Variants in TUSC3 observed in about 807,000 individuals in gnomAD.
The protein encoded by TUSC3 is tumor suppressor candidate 3.
Under a neutral mutation model 44.8 loss-of-function variants are expected in TUSC3, and 45 were observed. That is an observed-to-expected ratio of 1.00 (90% CI 0.79 to 1.29). The LOEUF is 1.29. Ranked by LOEUF, TUSC3 falls within the 50% of genes most tolerant of loss-of-function variation. The pLI is 0.00. For missense variants in TUSC3, 519 were observed against 437.9 expected, an observed-to-expected ratio of 1.19 and a Z score of -1.65; for synonymous variants, 212 against 152.9, an observed-to-expected ratio of 1.39 and a Z score of -2.85.
intron 1 of TUSC3, among the ~76,000 whole-genome samples, chr8:15,446,333 G>A (rs1008426588): frequency 4.6e-5 from 7 of 152,140 alleles, no homozygotes; most frequent in African/African-American, 1.4e-4. Context: ...GGTGGCGGCC[G>A]GGCAGAGGCT....
At chr8:15,846,379 C>G in the TUSC3 span, among the ~76,000 whole-genome samples, 1 of 152,094 alleles carries the variant, frequency 6.6e-6, no homozygotes, top group Non-Finnish European at 1.5e-5. Context: ...AATATATACC[C>G]AAAGGATTGT....
Position 15,748,478 on chromosome 8 carries a change from T to C in TUSC3, c.1028+13T>C, listed in dbSNP as rs1811519437. ...GCTATCCTTATAGGTAATATCTTTATACTAACATGAATGTTTTTATTTTTA... is the reference window on the plus strand; with the variant it reads ...GCTATCCTTATAGGTAATATCTTTACACTAACATGAATGTTTTTATTTTTA... On this transcript the variant is annotated intron_variant, in intron 9 of 10. Coordinates refer to ENST00000503731, the MANE Select transcript of TUSC3 (RefSeq NM_006765.4). The C allele has an allele frequency of 1.3e-6, 2 of 1,555,802 alleles. No homozygotes were observed. Among genetic ancestry groups the C allele is most frequent in the African/African-American group, 1.4e-5 (1 of 73,702 alleles).
chr8:15,558,785 T>C (rs1373276889), intron 1 of TUSC3, among the ~76,000 whole-genome samples: 2,939 of 136,558 alleles, frequency 0.022, 78 homozygotes, highest in Admixed American at 0.049. Context: ...TTTTCTAGTT[T>C]ATTTGCATAG....
intron 2 of TUSC3, among the ~76,000 whole-genome samples, chr8:15,646,113 G>C (rs193043073): frequency 1.1e-3 from 172 of 152,220 alleles, no homozygotes; most frequent in Middle Eastern, 3.4e-3. Flanking sequence ...GAGAATTTCT[G>C]TTTCAGACAT....
chr8:15,598,718 C>T (rs2129153653), intron 1 of TUSC3, among the ~76,000 whole-genome samples: 1 of 151,932 alleles, frequency 6.6e-6, no homozygotes, highest in East Asian at 1.9e-4. Context: ...AGATTGGCCT[C>T]TTTCACTTAG....
chr8:15,632,906 C>G (rs541953957), intron 2 of TUSC3, among the ~76,000 whole-genome samples: 2 of 152,154 alleles, frequency 1.3e-5, no homozygotes, highest in African/African-American at 2.4e-5. Context: ...ACAAGATATT[C>G]TAAGCTTACG....
chr8:15,816,415 T>G, the TUSC3 span, among the ~76,000 whole-genome samples: 4 of 152,122 alleles, frequency 2.6e-5, no homozygotes, highest in Non-Finnish European at 5.9e-5. Context: ...TTTAGGCCAT[T>G]TATTAATAAT....
intron 2 of TUSC3, among the ~76,000 whole-genome samples, chr8:15,501,268 T>C (rs1415747138): frequency 8.5e-5 from 13 of 152,216 alleles, no homozygotes; most frequent in Admixed American, 7.2e-4. Context: ...TAATTTTATC[T>C]ATGAAAACAC....
intron 6 of TUSC3, among the ~76,000 whole-genome samples, chr8:15,674,314 A>G (rs10089058): frequency 0.033 from 4,974 of 152,120 alleles, 273 homozygotes; most frequent in African/African-American, 0.11. Context: ...TTACATTAGT[A>G]GCAGAGTTTA....
At chr8:15,678,227 A>G (rs1408158828) in intron 6 of TUSC3, among the ~76,000 whole-genome samples, 6 of 152,146 alleles carry the variant, frequency 3.9e-5, no homozygotes, top group Admixed American at 3.9e-4. Flanking sequence ...CAAAGTTATT[A>G]CTTCTCCAGC....
chr8:15,765,588 G>T lies in TUSC3; in HGVS notation c.*1432G>T, dbSNP rs1000249269. 1 of 151,954 alleles carries T rather than the reference G, an allele frequency of 6.6e-6. No individual in the cohort carries two copies. The highest frequency in any genetic ancestry group is 1.5e-5 in the Non-Finnish European group (1 of 67,944). 9.4% of individuals were successfully genotyped at this position (151,954 alleles called of 1,614,324 possible). On this transcript the variant is annotated 3_prime_UTR_variant, in exon 11 of 11. Coordinates refer to ENST00000503731, the MANE Select transcript of TUSC3 (RefSeq NM_006765.4). ...TCCCAGGGCAATGTGTATGCTAGCA[G>T]GATGAATGCTATCTTTTCAAAACAT...
downstream of TUSC3, among the ~76,000 whole-genome samples, chr8:15,767,351 T>C (rs1167629969): frequency 6.6e-6 from 1 of 151,862 alleles, no homozygotes; most frequent in East Asian, 1.9e-4. Flanking sequence ...TACATCTATC[T>C]ATTTCCATTA....
chr8:15,625,431 G>A (rs907913437), intron 2 of TUSC3, among the ~76,000 whole-genome samples: 5 of 152,138 alleles, frequency 3.3e-5, no homozygotes, highest in Non-Finnish European at 7.4e-5. Context: ...TCTTCTTTAA[G>A]TGTTTGGTAG....
intron 1 of TUSC3, among the ~76,000 whole-genome samples, chr8:15,423,837 G>A (rs757186196): frequency 1.4e-4 from 21 of 152,064 alleles, no homozygotes; most frequent in Non-Finnish European, 2.6e-4. Flanking sequence ...AATACAGGAA[G>A]GACTAGAAGG....
Position 15,495,655 on chromosome 8 carries a change from G to C in TUSC3, n.189+12172G>C, listed in dbSNP as rs143791462. Among the ~76,000 whole-genome samples, 468 of 152,256 alleles carry C rather than the reference G, an allele frequency of 3.1e-3. 1 individual carries two copies. Among genetic ancestry groups the C allele is most frequent in the African/African-American group, 0.01 (429 of 41,552 alleles). On this transcript the variant is annotated intron_variant and non_coding_transcript_variant, in intron 2 of 5. Transcript: ENST00000503191. ...TAAGCACAGCTCCCTTTGGGGGGCAGTATGGGAGCCTCCACCAAGTATACC... is the reference window on the plus strand; with the variant it reads ...TAAGCACAGCTCCCTTTGGGGGGCACTATGGGAGCCTCCACCAAGTATACC...
At chr8:15,711,613 C>A (rs970546009) in intron 6 of TUSC3, among the ~76,000 whole-genome samples, 4 of 151,294 alleles carry the variant, frequency 2.6e-5, no homozygotes, top group African/African-American at 9.7e-5. Flanking sequence ...TTAGCATCAT[C>A]TTTAGAGAAT....
chr8:15,640,219 T>C (rs1806302947), intron 2 of TUSC3, among the ~76,000 whole-genome samples: 1 of 152,206 alleles, frequency 6.6e-6, no homozygotes, highest in Admixed American at 6.5e-5. Context: ...GGGCACTGAA[T>C]CTGTAATGAA....
chr8:15,631,669 TGTG>T (rs920625015), intron 2 of TUSC3, among the ~76,000 whole-genome samples: 129 of 6,878 alleles, frequency 0.019, no homozygotes, highest in Non-Finnish European at 0.018. Flanking sequence ...TTAAGGCTGT[TGTG>T]TGTGTGTGTG....
At position 15,448,036 on chromosome 8, in the gene TUSC3, A is replaced by G. The variant is rs181418776; in HGVS notation, n.91+30731A>G. 1.9e-3 allele frequency among the ~76,000 whole-genome samples: 283 copies of G among 149,838 alleles called. 3 individuals are homozygous for G. The highest frequency in any genetic ancestry group is 6.7e-3 in the African/African-American group (273 of 40,690). On this transcript the variant is annotated intron_variant and non_coding_transcript_variant, in intron 1 of 5. Transcript: ENST00000503191. ...CAATAGCCAGGCATAATTAGTGGCT[A>G]CCGTATCACACAGCACAGATATAAA... is the stretch of plus-strand genomic sequence containing the variant.
Sources: allele counts gnomAD v4.1 joint callset (sites outside exome capture counted in the v4.1 genomes callset), GRCh38; gene constraint gnomAD v4.1.1; transcripts MANE v1.5; gene names NCBI Gene and HGNC (gene_info 2026-07-23, HGNC 2026-07-21).